Variants in ABCA12 observed in about 807,000 individuals in gnomAD.
ABCA12 encodes ATP binding cassette subfamily A member 12, also known as glucosylceramide transporter ABCA12.
ABCA12 carries 156 observed loss-of-function variants against 293.5 expected under a neutral mutation model. The ratio of observed to expected loss-of-function variants is 0.53; its 90% CI spans 0.47 to 0.61. The LOEUF (loss-of-function observed/expected upper bound fraction) is 0.61, where lower values mean the gene tolerates loss of function less well. Ranked by LOEUF, ABCA12 falls within the 20% of genes least tolerant of loss-of-function variation. The pLI, the probability that ABCA12 is intolerant of heterozygous loss-of-function variation, is 0.00. For synonymous variants in ABCA12, 1,063 were observed against 1,108.0 expected, an observed-to-expected ratio of 0.96 and a Z score of 0.81; for missense variants, 2,797 against 3,090.2, an observed-to-expected ratio of 0.91 and a Z score of 2.25.
chr2:215,011,882 TG>T, intron 16 of ABCA12, 88 bp downstream of exon 16: 1 of 1,195,232 alleles, frequency 8.4e-7, no homozygotes, highest in Non-Finnish European at 1.2e-6. Flanking sequence ...TTTTTTTCAA[TG>T]TACTACGATT....
At chr2:214,987,320 T>C (rs553044072) in intron 27 of ABCA12, among the ~76,000 whole-genome samples, 2 of 152,278 alleles carry the variant, frequency 1.3e-5, no homozygotes, top group East Asian at 3.9e-4. Flanking sequence ...TGGTTACCCC[T>C]TATGACTGGT....
At chr2:215,064,268 GA>G in intron 2 of ABCA12, 49 bp from the exon 3 acceptor site, 14 of 1,591,864 alleles carry the variant, frequency 8.8e-6, no homozygotes, top group Non-Finnish European at 1.2e-5. Context: ...ATTTGTCTGG[GA>G]AAGAACATAA....
At chr2:215,040,584 G>A (rs562229036) in intron 7 of ABCA12, among the ~76,000 whole-genome samples, 24 of 152,240 alleles carry the variant, frequency 1.6e-4, no homozygotes, top group African/African-American at 5.3e-4. Context: ...CAAGGTGGAC[G>A]GATCACCTGA....
In ABCA12 at chr2:214,986,566, T is replaced by A. The variant is rs28940269; in HGVS notation, c.4139A>T (p.Asn1380Ile). 6.2e-7 allele frequency: 1 copy of A among 1,614,088 alleles called. No homozygotes were observed. Among genetic ancestry groups the A allele is most frequent in the East Asian group, 2.2e-5 (1 of 44,868 alleles). Residue 1380 changes from asparagine to isoleucine, a missense_variant, in exon 28 of 53, where the codon AAT (asparagine) becomes ATT (isoleucine). Asn to Ile is a moderately radical substitution (Grantham distance 149). Coordinates refer to ENST00000272895, the MANE Select transcript of ABCA12 (RefSeq NM_173076.3). ...CATGGTAGTAGTTTTCCCAGCTCCA[T>A]TGGGCCCCAGCAATGAAGTAATATG... ...EGHITSLLGP[N>I]GAGKTTTISM...
intron 49 of ABCA12, among the ~76,000 whole-genome samples, chr2:214,944,355 T>C (rs1425742818): frequency 6.6e-6 from 1 of 151,794 alleles, no homozygotes; most frequent in Non-Finnish European, 1.5e-5. Context: ...GAGGTTGCAG[T>C]GAGCAGATGT....
intron 2 of ABCA12, among the ~76,000 whole-genome samples, chr2:215,090,402 G>T (rs1274716735): frequency 6.6e-6 from 1 of 152,076 alleles, no homozygotes; most frequent in Non-Finnish European, 1.5e-5. Flanking sequence ...ACCACCTCGG[G>T]TCCTCAGACC....
intron 9 of ABCA12, among the ~76,000 whole-genome samples, chr2:215,027,827 T>C (rs924695264): frequency 7.2e-5 from 11 of 152,218 alleles, no homozygotes; most frequent in African/African-American, 2.4e-4. Context: ...TGGGATCCCA[T>C]TGACCAATAT....
At chr2:214,992,522 CTT>C (rs71041978) in intron 23 of ABCA12, among the ~76,000 whole-genome samples, 3,561 of 47,782 alleles carry the variant, frequency 0.075, 250 homozygotes, top group African/African-American at 0.22. Context: ...TATCCCCCCC[CTT>C]TTTTTTTTTT....
At chr2:215,027,013 G>T in intron 9 of ABCA12, 75 bp from the exon 10 acceptor site, 3 of 1,138,292 alleles carry the variant, frequency 2.6e-6, no homozygotes, top group South Asian at 2.5e-5. Context: ...AGATCATTTT[G>T]GTCCCTTGTT....
chr2:215,112,793 C>T (rs929344259), intron 1 of ABCA12, among the ~76,000 whole-genome samples: 1 of 152,026 alleles, frequency 6.6e-6, no homozygotes, highest in Non-Finnish European at 1.5e-5. Flanking sequence ...CCACCGTGCC[C>T]GGCCTGAAAT....
chr2:215,032,461 G>T, intron 8 of ABCA12: 1 of 159,104 alleles, frequency 6.3e-6, no homozygotes, highest in South Asian at 1.8e-4. Context: ...AATAATATGA[G>T]GGTGCATAGT....
At chr2:215,080,668 T>A (rs1166012247) in intron 2 of ABCA12, 1 of 152,990 alleles carries the variant, frequency 6.5e-6, no homozygotes, top group East Asian at 1.9e-4. Context: ...TTATTTGCAC[T>A]TTATAGGCTA....
chr2:215,109,762 A>G (rs1229282565), intron 2 of ABCA12, among the ~76,000 whole-genome samples: 1 of 152,122 alleles, frequency 6.6e-6, no homozygotes, highest in Non-Finnish European at 1.5e-5. Flanking sequence ...AGGTAATATC[A>G]ATTAATTTAA....
At chr2:214,969,984 G>C (rs757105175) in intron 37 of ABCA12, among the ~76,000 whole-genome samples, 2 of 151,606 alleles carry the variant, frequency 1.3e-5, no homozygotes, top group Non-Finnish European at 2.9e-5. Context: ...TCTCCAAGTT[G>C]GTATAAGTCA....
intron 2 of ABCA12, among the ~76,000 whole-genome samples, chr2:215,078,396 C>G (rs1361980181): frequency 6.6e-6 from 1 of 152,220 alleles, no homozygotes; most frequent in Non-Finnish European, 1.5e-5. Context: ...TGAGAGAATA[C>G]TGATCTAATG....
At chr2:215,053,052 A>T (rs1172886531) in intron 4 of ABCA12, among the ~76,000 whole-genome samples, 1 of 152,068 alleles carries the variant, frequency 6.6e-6, no homozygotes, top group East Asian at 1.9e-4. Flanking sequence ...TAGAATCATA[A>T]ATTCTCTCCT....
At chr2:215,034,188 A>C (rs1700942437) in intron 8 of ABCA12, among the ~76,000 whole-genome samples, 1 of 152,192 alleles carries the variant, frequency 6.6e-6, no homozygotes, top group Non-Finnish European at 1.5e-5. Flanking sequence ...TGGACCTACT[A>C]TGGAGTGTAT....
intron 49 of ABCA12, 105 bp downstream of exon 49, chr2:214,944,896 T>C (rs878934617): frequency 2.9e-5 from 21 of 731,404 alleles, no homozygotes; most frequent in Admixed American, 2.3e-4. Flanking sequence ...TACACACACA[T>C]ATATATGTAT....
chr2:215,070,775 C>A (rs960100352), intron 2 of ABCA12, among the ~76,000 whole-genome samples: 3 of 151,950 alleles, frequency 2.0e-5, no homozygotes, highest in Non-Finnish European at 4.4e-5. Flanking sequence ...ACAAGGTCAT[C>A]ACAGTTTTAT....
Sources: allele counts gnomAD v4.1 joint callset (sites outside exome capture counted in the v4.1 genomes callset), GRCh38; gene constraint gnomAD v4.1.1; transcripts MANE v1.5; gene names NCBI Gene and HGNC (gene_info 2026-07-23, HGNC 2026-07-21).